WSCD2: variants seen among roughly 807,000 people sequenced by gnomAD.
WSCD2 encodes sialate:O-sulfotransferase 2.
In WSCD2, 28 loss-of-function variants were observed where a neutral mutation model predicts 55.7. That is an observed-to-expected ratio of 0.50 (90% CI 0.37 to 0.69). WSCD2 has a LOEUF of 0.69. Among genes scored for constraint, WSCD2 ranks in the 30% least tolerant of loss-of-function variants. The pLI, the probability that WSCD2 is intolerant of heterozygous loss-of-function variation, is 0.00. For missense variants in WSCD2, 616 were observed against 762.1 expected, an observed-to-expected ratio of 0.81 and a Z score of 2.26; for synonymous variants, 301 against 301.9, an observed-to-expected ratio of 1.00 and a Z score of 0.03.
At chr12:108,224,108 C>G (rs1480361474) in intron 4 of WSCD2, among the ~76,000 whole-genome samples, 2 of 152,174 alleles carry the variant, frequency 1.3e-5, no homozygotes, top group Admixed American at 6.5e-5. Context: ...TGACAATGGG[C>G]TCCAAATTTT....
At chr12:108,165,877 C>T (rs1046250482) in intron 1 of WSCD2, among the ~76,000 whole-genome samples, 4 of 152,162 alleles carry the variant, frequency 2.6e-5, no homozygotes, top group African/African-American at 4.8e-5. Context: ...AGTTCTAGCC[C>T]GGCACCATTA....
chr12:108,226,901 G>C, intron 5 of WSCD2, 89 bp from the exon 6 acceptor site: 1 of 1,439,686 alleles, frequency 6.9e-7, no homozygotes, highest in Non-Finnish European at 9.3e-7. Context: ...GACAGTGGTT[G>C]AAATGCAAAT....
At chr12:108,244,727 C>G (rs1167217826) in intron 8 of WSCD2, 2 of 657,624 alleles carry the variant, frequency 3.0e-6, no homozygotes, top group Non-Finnish European at 5.6e-6. Flanking sequence ...ATAAACAGAC[C>G]CCAGGTCTCA....
chr12:108,230,165 C>T (rs1888591883), intron 6 of WSCD2, among the ~76,000 whole-genome samples: 1 of 152,168 alleles, frequency 6.6e-6, no homozygotes, highest in Middle Eastern at 3.2e-3. Flanking sequence ...TAGTTAATAT[C>T]AACTGGCTAA....
In WSCD2 at chr12:108,244,409, G is replaced by A. The variant is rs142618145; in HGVS notation, c.1346-3582G>A. ...ATATCTATTGTGCTTTTGGAGGGAT[G>A]TTTGGACTAAAATGATGGAGCATGT... On this transcript the variant is annotated intron_variant, in intron 8 of 8. Transcript: ENST00000547525. 50 of 677,672 alleles carry A rather than the reference G, an allele frequency of 7.4e-5. No individual in the cohort carries two copies. The African/African-American group carries it at 7.5e-4, about 10-fold the overall frequency. 42.0% of individuals were successfully genotyped at this position (677,672 alleles called of 1,614,324 possible).
At chr12:108,158,464 C>T (rs1036943746) in intron 1 of WSCD2, among the ~76,000 whole-genome samples, 4 of 4,760 alleles carry the variant, frequency 8.4e-4, no homozygotes, top group South Asian at 6.3e-3. Flanking sequence ...GTCCCTGGGG[C>T]GGGCGGGGTG....
intron 1 of WSCD2, among the ~76,000 whole-genome samples, chr12:108,135,950 C>G (rs1876164114): frequency 6.6e-6 from 1 of 152,240 alleles, no homozygotes; most frequent in Non-Finnish European, 1.5e-5. Flanking sequence ...GCCTAAAACA[C>G]TTACTATCTG....
rs771588837 is a variant in WSCD2 at position 108,196,120 on chromosome 12, G to A, written c.288G>A (p.Lys96=). 2 of 1,614,204 alleles carry A rather than the reference G, an allele frequency of 1.2e-6. No homozygotes were observed. The highest frequency in any genetic ancestry group is 1.6e-4 in the Middle Eastern group (1 of 6,062). The change falls in exon 2 of 9, where the codon AAG becomes AAA. Residue 96 remains lysine, a synonymous_variant. Transcript: ENST00000547525. The part of the protein sequence containing the change: ...ARRYGPWFKG[K]DGNERAKLGD... Reference sequence around the variant, plus strand: ...GGTACGGACCCTGGTTCAAGGGCAAGGATGGGAATGAGAGAGCCAAGCTTG... The same window carrying A: ...GGTACGGACCCTGGTTCAAGGGCAAAGATGGGAATGAGAGAGCCAAGCTTG...
At chr12:108,231,867 C>G (rs1888795510) in intron 6 of WSCD2, among the ~76,000 whole-genome samples, 1 of 151,554 alleles carries the variant, frequency 6.6e-6, no homozygotes, top group Admixed American at 6.6e-5. Context: ...CTAATGATAG[C>G]CCAGGGAGTC....
intron 1 of WSCD2, among the ~76,000 whole-genome samples, chr12:108,164,234 T>C (rs1879400261): frequency 1.4e-5 from 2 of 145,254 alleles, no homozygotes; most frequent in Admixed American, 7.2e-5. Context: ...AATCAATAAA[T>C]TTTTACAAAC....
chr12:108,224,780 A>C lies in WSCD2; in HGVS notation c.724A>C (p.Asn242His). The change falls in exon 5 of 9, where the codon AAC becomes CAC. Residue 242 changes from asparagine to histidine, a missense_variant. Asn to His is a moderately conservative substitution (Grantham distance 68, BLOSUM62 1). This residue lies in a region of WSCD2 where 374 missense variants were observed against 467.4 expected (regional missense o/e 0.80). Coordinates refer to ENST00000547525, the MANE Select transcript of WSCD2 (RefSeq NM_014653.4). ...CCGGGGCTGCTTCCGCAGGCCCGAC[A>C]ACCTTTCCCTGGCCTTACCCGTGAC... ...VFRGCFRRPD[N>H]LSLALPVTAA... 2 of 1,613,600 alleles carry C rather than the reference A, an allele frequency of 1.2e-6. No individual in the cohort carries two copies. Among genetic ancestry groups the C allele is most frequent in the South Asian group, 2.2e-5 (2 of 91,088 alleles).
At chr12:108,154,221 C>G (rs1469393886) in intron 1 of WSCD2, among the ~76,000 whole-genome samples, 3 of 152,136 alleles carry the variant, frequency 2.0e-5, no homozygotes, top group Admixed American at 1.3e-4. Context: ...ATTTATTCTA[C>G]TACAGTTCTG....
chr12:108,232,354 G>A (rs556798859), intron 6 of WSCD2, among the ~76,000 whole-genome samples: 54 of 152,228 alleles, frequency 3.5e-4, no homozygotes, highest in Non-Finnish European at 6.8e-4. Flanking sequence ...TGCCATTGAC[G>A]GTTTCGATCT....
chr12:108,203,653 GGA>G (rs1333170730), intron 2 of WSCD2, among the ~76,000 whole-genome samples: 1 of 152,132 alleles, frequency 6.6e-6, no homozygotes, highest in African/African-American at 2.4e-5. Flanking sequence ...GACACGCAAT[GGA>G]CATGCCCACA....
chr12:108,238,823 G>A (rs898951400), intron 7 of WSCD2, among the ~76,000 whole-genome samples: 1 of 152,200 alleles, frequency 6.6e-6, no homozygotes, highest in African/African-American at 2.4e-5. Context: ...GGCACTTAGA[G>A]GGTGAAGGAC....
At position 108,226,782 on chromosome 12, in the gene WSCD2, C is replaced by T. The variant is rs567754302; in HGVS notation, c.805-208C>T. Among the ~76,000 whole-genome samples, 9 of 152,236 alleles carry T rather than the reference C, an allele frequency of 5.9e-5. No homozygotes were observed. In the South Asian group the frequency reaches 1.2e-3, roughly 21 times the overall value. On this transcript the variant is annotated intron_variant, in intron 5 of 8. Coordinates refer to ENST00000547525, the MANE Select transcript of WSCD2 (RefSeq NM_014653.4). Reference sequence around the variant, plus strand: ...AAAAAGTGAATCGACTTAAAGGAAACGAATAAGTAAACAATAGTACAGTAG... The same window carrying T: ...AAAAAGTGAATCGACTTAAAGGAAATGAATAAGTAAACAATAGTACAGTAG...
chr12:108,181,508 C>G (rs1301035096), intron 1 of WSCD2, among the ~76,000 whole-genome samples: 1 of 152,182 alleles, frequency 6.6e-6, no homozygotes. Context: ...TTGACGGGGA[C>G]TAGATGCCTG....
At chr12:108,193,378 A>C (rs1440176855) in intron 1 of WSCD2, among the ~76,000 whole-genome samples, 1 of 152,252 alleles carries the variant, frequency 6.6e-6, no homozygotes, top group Non-Finnish European at 1.5e-5. Context: ...CCTGCATCTC[A>C]AACACACACA....
At position 108,210,256 on chromosome 12, in the gene WSCD2, C is replaced by T. The variant is rs1214779186; in HGVS notation, c.633C>T (p.Asn211=). 6.2e-7 allele frequency: 1 copy of T among 1,608,322 alleles called. No individual in the cohort carries two copies. The highest frequency in any genetic ancestry group is 1.1e-5 in the South Asian group (1 of 90,490). The part of the protein sequence containing the change: ...GERGSVCGGA[N]RLSVYRLQLA... ...GAGGCAGCGTGTGCGGCGGCGCCAA[C>T]CGCCTCTCTGTCTACCGGCTGCAGC... The change falls in exon 4 of 9, where the codon AAC becomes AAT. Residue 211 remains asparagine, a synonymous_variant. Coordinates refer to ENST00000547525, the MANE Select transcript of WSCD2 (RefSeq NM_014653.4). The surrounding 1 kb of genome is among the most constrained non-coding windows in gnomAD (Gnocchi z 4.3).
Sources: gnomAD v4.1 joint callset for allele counts (sites outside exome capture counted in the v4.1 genomes callset) on GRCh38, gnomAD v4.1.1 for gene constraint, gnomAD v4.1.1 regional missense constraint, Gnocchi (gnomAD v3.1) non-coding constraint, MANE v1.5 for transcripts, NCBI Gene and HGNC (gene_info 2026-07-23, HGNC 2026-07-21) for gene names.